The following SMARCAL1 variants were observed in gnomAD, a reference collection of about 807,000 sequenced individuals.
The protein encoded by SMARCAL1 is SNF2 related chromatin remodeling annealing helicase 1, also known as ATP-driven annealing helicase.
In SMARCAL1, 58 loss-of-function variants were observed where a neutral mutation model predicts 94.5. The observed-to-expected ratio is 0.61, with a 90% CI of 0.50 to 0.76. SMARCAL1 has a LOEUF of 0.76. Among genes scored for constraint, SMARCAL1 ranks in the 30% least tolerant of loss-of-function variants. The pLI, the probability that SMARCAL1 is intolerant of heterozygous loss-of-function variation, is 0.00. For missense variants in SMARCAL1, 1,051 were observed against 1,177.9 expected (o/e 0.89, Z 1.58); for synonymous variants, 422 against 455.1 (o/e 0.93, Z 0.93).
At chr2:216,447,759 C>T (rs74752578) in intron 11 of SMARCAL1, among the ~76,000 whole-genome samples, 1,713 of 152,252 alleles carry the variant, frequency 0.011, 52 homozygotes, top group African/African-American at 0.039. Flanking sequence ...GTGCCAATGG[C>T]GCAGGCACCT....
At chr2:216,436,725 A>G (rs1247723602) in intron 9 of SMARCAL1, among the ~76,000 whole-genome samples, 1 of 152,236 alleles carries the variant, frequency 6.6e-6, no homozygotes, top group Non-Finnish European at 1.5e-5. Flanking sequence ...AGTGTGTGGG[A>G]AGAATAATGC....
rs200635428 is a variant in SMARCAL1 at position 216,428,749 on chromosome 2, C to T, written c.1301C>T (p.Ser434Phe). Residue 434 changes from serine to phenylalanine, a missense_variant, in exon 7 of 18, where the codon TCT becomes TTT. By Grantham distance (155) the Ser-to-Phe change is radical (BLOSUM62 -2). Coordinates refer to ENST00000357276, the MANE Select transcript of SMARCAL1 (RefSeq NM_014140.4). The stretch of plus-strand genomic sequence containing the variant: ...TCTGAAGTGGACCCCAAGCTCGTGT[C>T]TAATCTGATGCCCTTTCAGAGAGCT... Reference protein sequence around the residue: ...DLSEVDPKLVSNLMPFQRAGV... With the variant: ...DLSEVDPKLVFNLMPFQRAGV... The T allele has an allele frequency of 7.1e-5, 114 of 1,614,098 alleles. No individual in the cohort carries two copies. The highest frequency in any genetic ancestry group is 9.6e-5 in the Non-Finnish European group (113 of 1,180,054).
Position 216,413,845 on chromosome 2 carries a change from C to T in SMARCAL1, c.-95-11C>T, listed in dbSNP as rs1283967066. On this transcript the variant is annotated splice_polypyrimidine_tract_variant and intron_variant, in intron 1 of 17. Coordinates refer to ENST00000357276, the MANE Select transcript of SMARCAL1 (RefSeq NM_014140.4). ...GGCTATGGGAGGCTAATGCTTTTTT[C>T]CTTCTTCTAGGTTGGAAAAAGACTA... is the stretch of plus-strand genomic sequence containing the variant. 5 of 152,102 alleles carry T rather than the reference C, an allele frequency of 3.3e-5. No homozygotes were observed. The allele number at this position is 152,102 out of a possible 1,614,324, so 9.4% of individuals were successfully genotyped here.
At chr2:216,444,736 C>T (rs1694267321) in intron 10 of SMARCAL1, among the ~76,000 whole-genome samples, 1 of 152,160 alleles carries the variant, frequency 6.6e-6, no homozygotes, top group Non-Finnish European at 1.5e-5. Context: ...AGGTTGGTCT[C>T]GAACTCCTGA....
chr2:216,480,648 T>C (rs1428189919), intron 17 of SMARCAL1, among the ~76,000 whole-genome samples: 7 of 152,154 alleles, frequency 4.6e-5, no homozygotes, highest in South Asian at 2.1e-4. Flanking sequence ...TGCAGGTTAA[T>C]TGAATAATCT....
intron 15 of SMARCAL1, 66 bp from the exon 16 acceptor site, chr2:216,477,043 T>A: frequency 7.6e-7 from 1 of 1,308,216 alleles, no homozygotes; most frequent in Non-Finnish European, 1.1e-6. Flanking sequence ...AGAGGAACCA[T>A]ACCTGCTATG....
At chr2:216,462,550 A>G (rs894419038) in intron 12 of SMARCAL1, among the ~76,000 whole-genome samples, 1 of 152,222 alleles carries the variant, frequency 6.6e-6, no homozygotes, top group African/African-American at 2.4e-5. Flanking sequence ...GATACAAAAT[A>G]GGAGGGTAGG....
intron 12 of SMARCAL1, among the ~76,000 whole-genome samples, chr2:216,459,732 C>G (rs2106066491): frequency 6.6e-6 from 1 of 151,976 alleles, no homozygotes; most frequent in South Asian, 2.1e-4. Context: ...CATAAAAACC[C>G]TAGAAGAAAA....
At chr2:216,471,458 G>A (rs1258512999) in intron 14 of SMARCAL1, among the ~76,000 whole-genome samples, 1 of 151,538 alleles carries the variant, frequency 6.6e-6, no homozygotes, top group Non-Finnish European at 1.5e-5. Context: ...CTGGCTTCAA[G>A]CATTTCTGCC....
At chr2:216,448,619 T>C (rs944853518) in intron 11 of SMARCAL1, among the ~76,000 whole-genome samples, 7 of 152,218 alleles carry the variant, frequency 4.6e-5, no homozygotes, top group African/African-American at 1.7e-4. Context: ...CAGTGCCTGA[T>C]ATGTGGTAAT....
At position 216,460,079 on chromosome 2, in the gene SMARCAL1, GAA is replaced by G. The variant is rs761105105; in HGVS notation, c.2071-4513_2071-4512del. On this transcript the variant is annotated intron_variant, in intron 12 of 17. Coordinates refer to ENST00000357276, the MANE Select transcript of SMARCAL1 (RefSeq NM_014140.4). ...ACATTTATTCAGCCAACAGACACAT[GAA>G]AAAATGCTCATCATCACTGGCCATC... 2.3e-3 allele frequency among the ~76,000 whole-genome samples: 354 copies of G among 152,312 alleles called. 2 individuals are homozygous for G. The highest frequency in any genetic ancestry group is 4.3e-3 in the Non-Finnish European group (294 of 68,036).
intron 12 of SMARCAL1, among the ~76,000 whole-genome samples, chr2:216,458,777 C>T (rs1694630618): frequency 6.6e-6 from 1 of 152,136 alleles, no homozygotes; most frequent in South Asian, 2.1e-4. Context: ...TGGCACAAGA[C>T]AGGGATGCCC....
rs775057827 is a variant in SMARCAL1 at position 216,416,281 on chromosome 2, T to C, written c.836T>C (p.Phe279Ser). The stretch of plus-strand genomic sequence containing the variant: ...GATCCTGACACCAAGACGTGGAACT[T>C]CAGCATGAATGACTATAGTGCCCTG... ...NYDPDTKTWN[F>S]SMNDYSALMK... Residue 279 changes from phenylalanine (F) to serine (S), a missense_variant, in exon 4 of 18, where the codon TTC becomes TCC. Physicochemically the swap from Phe to Ser is radical, Grantham distance 155 (BLOSUM62 -2). Transcript: ENST00000357276. 7.3e-5 allele frequency: 118 copies of C among 1,613,710 alleles called. 1 individual carries two copies. Among genetic ancestry groups the C allele is most frequent in the Non-Finnish European group, 9.2e-5 (109 of 1,179,798 alleles).
chr2:216,440,296 A>T (rs1469224694), intron 10 of SMARCAL1, among the ~76,000 whole-genome samples: 1 of 152,214 alleles, frequency 6.6e-6, no homozygotes. Flanking sequence ...CAATAGATAG[A>T]TTCTATCATT....
intron 16 of SMARCAL1, among the ~76,000 whole-genome samples, chr2:216,477,686 G>A (rs145424140): frequency 6.6e-6 from 1 of 152,264 alleles, no homozygotes; most frequent in Non-Finnish European, 1.5e-5. Flanking sequence ...AGCAGAGCTG[G>A]AGTAAGATTT....
At chr2:216,431,487 G>C (rs1292966779) in intron 7 of SMARCAL1, among the ~76,000 whole-genome samples, 2 of 152,186 alleles carry the variant, frequency 1.3e-5, no homozygotes, top group Non-Finnish European at 2.9e-5. Flanking sequence ...TTTACTGTTT[G>C]TGTTTTGATT....
intron 6 of SMARCAL1, among the ~76,000 whole-genome samples, chr2:216,425,094 C>T (rs1031884473): frequency 3.3e-5 from 5 of 152,192 alleles, no homozygotes; most frequent in African/African-American, 9.7e-5. Flanking sequence ...GCTGGGCTTG[C>T]CACTGGGCTT....
At chr2:216,432,603 G>T (rs1216282298) in intron 7 of SMARCAL1, 115 bp from the exon 8 acceptor site, 1 of 1,247,074 alleles carries the variant, frequency 8.0e-7, no homozygotes, top group Non-Finnish European at 1.2e-6. Flanking sequence ...GTGGTGGGCT[G>T]GGCCCGGGCT....
chr2:216,435,164 A>G (rs541123577), intron 8 of SMARCAL1, among the ~76,000 whole-genome samples, 174 bp from the exon 9 acceptor site: 1 of 151,882 alleles, frequency 6.6e-6, no homozygotes, highest in African/African-American at 2.4e-5. Flanking sequence ...GTCTCCCCCA[A>G]CTCTTAAAAA....
Sources: allele counts gnomAD v4.1 joint callset (sites outside exome capture counted in the v4.1 genomes callset), GRCh38; gene constraint gnomAD v4.1.1; transcripts MANE v1.5; gene names NCBI Gene and HGNC (gene_info 2026-07-23, HGNC 2026-07-21).